The following SV2C variants were observed in gnomAD, a reference collection of about 807,000 sequenced individuals.
SV2C encodes solute carrier family 22 member B3.
Under a neutral mutation model 79.7 loss-of-function variants are expected in SV2C, and 49 were observed. The ratio of observed to expected loss-of-function variants is 0.61; its 90% CI spans 0.49 to 0.78. The LOEUF (loss-of-function observed/expected upper bound fraction) is 0.78. Among genes scored for constraint, SV2C ranks in the 30% least tolerant of loss-of-function variants. The pLI, the probability that SV2C is intolerant of heterozygous loss-of-function variation, is 0.00. For missense variants in SV2C, 833 were observed against 912.9 expected, an observed-to-expected ratio of 0.91 and a Z score of 1.13; for synonymous variants, 334 against 333.2, an observed-to-expected ratio of 1.00 and a Z score of -0.03.
the SV2C span, among the ~76,000 whole-genome samples, chr5:75,948,463 G>T: frequency 6.6e-6 from 1 of 152,062 alleles, no homozygotes; most frequent in South Asian, 2.1e-4. Flanking sequence ...TTACATTATA[G>T]CAGGAAAGAG....
chr5:76,171,739 G>A (rs1743273396), intron 2 of SV2C, among the ~76,000 whole-genome samples: 1 of 135,870 alleles, frequency 7.4e-6, no homozygotes. Context: ...CTGGCCAGCC[G>A]TGCCGTCCGG....
At chr5:76,265,839 T>A (rs144780818) in intron 4 of SV2C, among the ~76,000 whole-genome samples, 346 of 152,256 alleles carry the variant, frequency 2.3e-3, no homozygotes, top group African/African-American at 8.0e-3. Context: ...ATGAACAGTG[T>A]ACCCCAGTTG....
chr5:76,148,022 GT>G (rs1561237007), intron 2 of SV2C, among the ~76,000 whole-genome samples: 3 of 151,924 alleles, frequency 2.0e-5, no homozygotes, highest in Non-Finnish European at 4.4e-5. Context: ...CTGTGCTATG[GT>G]TTAGGATGCT....
chr5:76,350,754 G>A (rs1012884824), intron 12 of SV2C, among the ~76,000 whole-genome samples: 3 of 152,254 alleles, frequency 2.0e-5, no homozygotes, highest in African/African-American at 2.4e-5. Flanking sequence ...GGTGGCTCAC[G>A]CCTGTAATCC....
chr5:75,967,386 G>C, the SV2C span, among the ~76,000 whole-genome samples: 1 of 152,182 alleles, frequency 6.6e-6, no homozygotes, highest in Non-Finnish European at 1.5e-5. Flanking sequence ...CACCTCACCC[G>C]GGAAGCGCAA....
upstream of SV2C, among the ~76,000 whole-genome samples, chr5:76,080,615 T>C (rs888069135): frequency 6.6e-6 from 1 of 152,238 alleles, no homozygotes; most frequent in Non-Finnish European, 1.5e-5. Context: ...ATTATTTTTA[T>C]GAAAACCACT....
At chr5:75,850,387 C>A in the SV2C span, among the ~76,000 whole-genome samples, 1 of 152,110 alleles carries the variant, frequency 6.6e-6, no homozygotes, top group South Asian at 2.1e-4. Context: ...GCAAAAAAAT[C>A]ACAAAATACT....
intron 4 of SV2C, among the ~76,000 whole-genome samples, chr5:76,238,020 T>TCACA (rs1185787359): frequency 1.5e-4 from 13 of 85,180 alleles, no homozygotes; most frequent in East Asian, 1.5e-3. Context: ...ATACACACAA[T>TCACA]CACACATACA....
At chr5:75,913,467 G>T in the SV2C span, among the ~76,000 whole-genome samples, 18 of 152,188 alleles carry the variant, frequency 1.2e-4, no homozygotes, top group African/African-American at 4.3e-4. Flanking sequence ...GGAAAGCGGG[G>T]AAATGATTAG....
At chr5:76,236,773 A>G (rs1352112712) in intron 4 of SV2C, among the ~76,000 whole-genome samples, 1 of 152,140 alleles carries the variant, frequency 6.6e-6, no homozygotes, top group East Asian at 1.9e-4. Context: ...CTGGGGGTCA[A>G]ATTTCAACAT....
the SV2C span, among the ~76,000 whole-genome samples, chr5:75,954,003 A>G: frequency 6.6e-6 from 1 of 151,974 alleles, no homozygotes; most frequent in Non-Finnish European, 1.5e-5. Context: ...AAAGGAGTAG[A>G]TTCTCAGGAT....
At chr5:76,019,363 G>A in the SV2C span, among the ~76,000 whole-genome samples, 1 of 152,132 alleles carries the variant, frequency 6.6e-6, no homozygotes, top group African/African-American at 2.4e-5. Context: ...TGGAATTTGA[G>A]AAATGGAGAC....
chr5:75,936,807 A>G, the SV2C span, among the ~76,000 whole-genome samples: 6 of 152,218 alleles, frequency 3.9e-5, no homozygotes, highest in Non-Finnish European at 8.8e-5. Flanking sequence ...GGCAAACCCA[A>G]TGGACAGAGG....
At chr5:76,038,239 A>C in the SV2C span, among the ~76,000 whole-genome samples, 1 of 152,244 alleles carries the variant, frequency 6.6e-6, no homozygotes, top group African/African-American at 2.4e-5. Context: ...TGTAAGACTC[A>C]GTACACTGAA....
At chr5:75,972,607 C>T in the SV2C span, among the ~76,000 whole-genome samples, 1 of 152,052 alleles carries the variant, frequency 6.6e-6, no homozygotes, top group Non-Finnish European at 1.5e-5. Context: ...CAGAGAAATG[C>T]AAATCAAAAC....
chr5:76,309,678 A>G (rs1748349463), intron 12 of SV2C, among the ~76,000 whole-genome samples: 1 of 151,930 alleles, frequency 6.6e-6, no homozygotes, highest in South Asian at 2.1e-4. Flanking sequence ...TCAACACTCA[A>G]CATGTTCACA....
At chr5:75,911,299 C>T in the SV2C span, 3 of 1,413,104 alleles carry the variant, frequency 2.1e-6, no homozygotes, top group Non-Finnish European at 2.0e-6. Context: ...AACCCTGAGC[C>T]CTTCAGGGCA....
At chr5:76,253,996 A>G (rs1193629121) in intron 4 of SV2C, among the ~76,000 whole-genome samples, 1 of 152,080 alleles carries the variant, frequency 6.6e-6, no homozygotes, top group Non-Finnish European at 1.5e-5. Flanking sequence ...AATGTAATGC[A>G]TTGTCTGGGT....
chr5:76,254,249 T>TAG (rs1171873401), intron 4 of SV2C, among the ~76,000 whole-genome samples: 1 of 149,118 alleles, frequency 6.7e-6, no homozygotes, highest in Admixed American at 6.7e-5. Flanking sequence ...TGTATATATA[T>TAG]ATATATATAG....
Sources: allele counts gnomAD v4.1 joint callset (sites outside exome capture counted in the v4.1 genomes callset), GRCh38; gene constraint gnomAD v4.1.1; transcripts MANE v1.5; gene names NCBI Gene and HGNC (gene_info 2026-07-23, HGNC 2026-07-21).